The following RSPO2 variants were observed in gnomAD, a reference collection of about 807,000 sequenced individuals.
RSPO2 encodes R-spondin 2, also known as R-spondin-2.
In RSPO2, 14 loss-of-function variants were observed where a neutral mutation model predicts 30.9. That is an observed-to-expected ratio of 0.45 (90% CI 0.30 to 0.71). The LOEUF (loss-of-function observed/expected upper bound fraction) is 0.71, where lower values mean the gene tolerates loss of function less well. Ranked by LOEUF, RSPO2 falls within the 30% of genes least tolerant of loss-of-function variation. RSPO2 has a pLI of 0.08. For synonymous variants in RSPO2, 107 were observed against 96.4 expected (o/e 1.11, Z -0.64); for missense variants, 264 against 301.9 (o/e 0.87, Z 0.93).
chr8:107,961,709 C>T (rs943871139), intron 3 of RSPO2, among the ~76,000 whole-genome samples: 3 of 152,252 alleles, frequency 2.0e-5, no homozygotes, highest in African/African-American at 7.2e-5. Flanking sequence ...AGGGGCATCA[C>T]TGACCTTACA....
chr8:108,034,923 T>G (rs1247521962), intron 2 of RSPO2, among the ~76,000 whole-genome samples: 1 of 152,228 alleles, frequency 6.6e-6, no homozygotes, highest in African/African-American at 2.4e-5. Context: ...TGAGCAATAT[T>G]ACCAACTGTT....
chr8:108,002,115 G>T (rs1815271262), intron 2 of RSPO2, among the ~76,000 whole-genome samples: 1 of 152,150 alleles, frequency 6.6e-6, no homozygotes, highest in Non-Finnish European at 1.5e-5. Flanking sequence ...GTGTTGTACA[G>T]ATTACTTATG....
intron 3 of RSPO2, among the ~76,000 whole-genome samples, chr8:107,982,009 C>T (rs147111612): frequency 1.8e-5 from 1 of 55,376 alleles, no homozygotes; most frequent in East Asian, 5.7e-4. Flanking sequence ...ACAACAACAA[C>T]AAAAAAAAAA....
At chr8:108,035,631 C>T (rs1187713787) in intron 2 of RSPO2, among the ~76,000 whole-genome samples, 1 of 151,996 alleles carries the variant, frequency 6.6e-6, no homozygotes, top group Non-Finnish European at 1.5e-5. Context: ...CCACCATGCC[C>T]GGCTAATTTT....
At chr8:108,017,221 G>A (rs1810919734) in intron 2 of RSPO2, among the ~76,000 whole-genome samples, 2 of 151,982 alleles carry the variant, frequency 1.3e-5, no homozygotes, top group South Asian at 4.2e-4. Context: ...GTTTCACCGT[G>A]TTAGCCAAGA....
intron 2 of RSPO2, among the ~76,000 whole-genome samples, chr8:108,069,810 G>A (rs145361309): frequency 7.2e-4 from 110 of 152,262 alleles, no homozygotes; most frequent in African/African-American, 2.4e-3. Context: ...TGTAACTCAC[G>A]AAAGTAACTT....
intron 2 of RSPO2, among the ~76,000 whole-genome samples, chr8:108,037,248 T>G (rs1271844072): frequency 6.6e-6 from 1 of 152,128 alleles, no homozygotes; most frequent in Non-Finnish European, 1.5e-5. Flanking sequence ...AAAACACAGA[T>G]AGGTGAAACA....
At chr8:107,926,708 A>G (rs1812387609) in intron 5 of RSPO2, among the ~76,000 whole-genome samples, 1 of 152,074 alleles carries the variant, frequency 6.6e-6, no homozygotes, top group Non-Finnish European at 1.5e-5. Context: ...TTAGTTGTAG[A>G]TACGTGGTAT....
chr8:107,921,525 A>T (rs1812172681), intron 5 of RSPO2, among the ~76,000 whole-genome samples: 1 of 152,110 alleles, frequency 6.6e-6, no homozygotes, highest in South Asian at 2.1e-4. Context: ...CAGGAAAACT[A>T]TCTTTTAGGA....
chr8:107,904,980 T>C (rs1373242941), intron 5 of RSPO2, among the ~76,000 whole-genome samples: 1 of 152,050 alleles, frequency 6.6e-6, no homozygotes, highest in Non-Finnish European at 1.5e-5. Context: ...CAATTCCTTA[T>C]GGAAATACTG....
At chr8:107,983,024 T>A in intron 3 of RSPO2, 1 of 871,616 alleles carries the variant, frequency 1.1e-6, no homozygotes, top group Non-Finnish European at 1.7e-6. Context: ...GGGGCCACAG[T>A]CTCTGCGGCT....
At chr8:107,918,193 T>G (rs1193230385) in intron 5 of RSPO2, among the ~76,000 whole-genome samples, 1 of 152,196 alleles carries the variant, frequency 6.6e-6, no homozygotes, top group Non-Finnish European at 1.5e-5. Context: ...TCTTCCGAGC[T>G]ATGTACAGCA....
intron 5 of RSPO2, among the ~76,000 whole-genome samples, chr8:107,911,700 G>A (rs1216951941): frequency 6.6e-6 from 1 of 152,164 alleles, no homozygotes; most frequent in African/African-American, 2.4e-5. Context: ...TTGCCGATGA[G>A]GAAATAGGTT....
chr8:108,050,223 AT>A (rs1812037033), intron 2 of RSPO2, among the ~76,000 whole-genome samples: 1 of 152,118 alleles, frequency 6.6e-6, no homozygotes, highest in Non-Finnish European at 1.5e-5. Context: ...GCATTTTCAG[AT>A]TTTCCACAGT....
chr8:107,962,614 T>C (rs1813664424), intron 3 of RSPO2, among the ~76,000 whole-genome samples: 1 of 152,166 alleles, frequency 6.6e-6, no homozygotes, highest in South Asian at 2.1e-4. Context: ...CCATGGTCCA[T>C]AGCTGGTCAA....
Position 108,062,096 on chromosome 8 carries a change from A to G in RSPO2, c.94+20449T>C, listed in dbSNP as rs375564684. Among the ~76,000 whole-genome samples the G allele has an allele frequency of 3.1e-4, 47 of 152,018 alleles. No individual in the cohort carries two copies. In the East Asian group the frequency reaches 8.5e-3, roughly 27 times the overall value. On this transcript the variant is annotated intron_variant, in intron 2 of 5. Coordinates refer to ENST00000276659, the MANE Select transcript of RSPO2 (RefSeq NM_178565.5). ...CAAGAGAAAGCAGGAAAGATCTAAA[A>G]TTGACACCCTAACATCACAATTAAA...
At chr8:107,970,834 A>G (rs561771511) in intron 3 of RSPO2, among the ~76,000 whole-genome samples, 1 of 152,308 alleles carries the variant, frequency 6.6e-6, no homozygotes, top group South Asian at 2.1e-4. Flanking sequence ...CTAGCTTGAC[A>G]TTTATGTCCA....
intron 5 of RSPO2, among the ~76,000 whole-genome samples, chr8:107,925,594 C>T (rs1238888576): frequency 2.0e-5 from 3 of 151,822 alleles, no homozygotes; most frequent in Non-Finnish European, 4.4e-5. Context: ...GTGATGTTCC[C>T]CTTCCTGTGT....
At chr8:107,978,297 G>T (rs929816496) in intron 3 of RSPO2, among the ~76,000 whole-genome samples, 1 of 151,938 alleles carries the variant, frequency 6.6e-6, no homozygotes, top group Non-Finnish European at 1.5e-5. Flanking sequence ...CATGGTGGTT[G>T]GCATCTGTAA....
Sources: allele counts gnomAD v4.1 joint callset (sites outside exome capture counted in the v4.1 genomes callset), GRCh38; gene constraint gnomAD v4.1.1; transcripts MANE v1.5; gene names NCBI Gene and HGNC (gene_info 2026-07-23, HGNC 2026-07-21).